The following DLG1 variants were observed in gnomAD, a reference collection of about 807,000 sequenced individuals.
The protein encoded by DLG1 is discs large MAGUK scaffold protein 1, also known as disks large homolog 1.
DLG1 carries 42 observed loss-of-function variants against 123.4 expected under a neutral mutation model. The observed-to-expected ratio is 0.34, with a 90% CI of 0.27 to 0.44. The LOEUF is 0.44. DLG1 is among the 20% of genes least tolerant of loss of function. The pLI is 1.00. For synonymous variants in DLG1, 317 were observed against 356.2 expected, an observed-to-expected ratio of 0.89 and a Z score of 1.24; for missense variants, 942 against 1,082.6, an observed-to-expected ratio of 0.87 and a Z score of 1.82.
chr3:197,290,420 G>T (rs1003828330), intron 3 of DLG1, among the ~76,000 whole-genome samples: 2 of 151,966 alleles, frequency 1.3e-5, no homozygotes, highest in Non-Finnish European at 2.9e-5. Context: ...TAAGCCACAA[G>T]GGGTAAAAAA....
chr3:197,066,569 T>C (rs1264454787), intron 20 of DLG1, 135 bp downstream of exon 20: 11 of 510,018 alleles, frequency 2.2e-5, no homozygotes, highest in Non-Finnish European at 3.6e-5. Flanking sequence ...AAAACACATG[T>C]AGTAAATTTC....
chr3:197,078,908 T>C (rs1044940299), intron 17 of DLG1, among the ~76,000 whole-genome samples: 1 of 152,216 alleles, frequency 6.6e-6, no homozygotes, highest in African/African-American at 2.4e-5. Context: ...AAGTTTAAAA[T>C]GTCTGATTCT....
intron 15 of DLG1, 37 bp from the exon 16 acceptor site, chr3:197,085,793 TATA>T: frequency 2.5e-6 from 4 of 1,577,198 alleles, no homozygotes; most frequent in Non-Finnish European, 3.5e-6. Context: ...AATCACTTGT[TATA>T]ATATTAATCA....
Position 197,142,855 on chromosome 3 carries a change from A to T in DLG1, c.538-87T>A. ...AAAATTTTTGTATGATTTATTAATGAAAACCTGTTGAATGCGACAGTAATC... is the reference window on the plus strand; with the variant it reads ...AAAATTTTTGTATGATTTATTAATGTAAACCTGTTGAATGCGACAGTAATC... On this transcript the variant is annotated intron_variant, in intron 6 of 24. Coordinates refer to ENST00000667157, the MANE Select transcript of DLG1 (RefSeq NM_001366207.1). 5.0e-6 allele frequency: 5 copies of T among 995,344 alleles called. No individual in the cohort carries two copies. The South Asian group carries it at 7.6e-5, about 15-fold the overall frequency. 61.7% of individuals were successfully genotyped at this position (995,344 alleles called of 1,614,324 possible).
chr3:197,117,444 C>A (rs894544539), intron 12 of DLG1, among the ~76,000 whole-genome samples: 2 of 152,158 alleles, frequency 1.3e-5, no homozygotes, highest in African/African-American at 2.4e-5. Flanking sequence ...AAGTGCCCAT[C>A]ATTAGATGAA....
chr3:197,294,761 ATG>A (rs1776588921), intron 3 of DLG1, among the ~76,000 whole-genome samples: 1 of 152,100 alleles, frequency 6.6e-6, no homozygotes, highest in South Asian at 2.1e-4. Flanking sequence ...TAGGTCAAAA[ATG>A]TCTCTGAACA....
chr3:197,225,309 ACATT>A (rs1309280294), intron 4 of DLG1, among the ~76,000 whole-genome samples: 1 of 152,208 alleles, frequency 6.6e-6, no homozygotes, highest in Non-Finnish European at 1.5e-5. Flanking sequence ...AAGGCAAACT[ACATT>A]CATTTTATTT....
chr3:197,127,724 T>C (rs939544335), intron 11 of DLG1, among the ~76,000 whole-genome samples: 1 of 151,492 alleles, frequency 6.6e-6, no homozygotes, highest in African/African-American at 2.4e-5. Flanking sequence ...ACCTCAGAAT[T>C]ACAGACATAC....
intron 9 of DLG1, 143 bp downstream of exon 9, chr3:197,138,079 A>C (rs1180555437): frequency 2.3e-6 from 1 of 442,360 alleles, no homozygotes; most frequent in Non-Finnish European, 3.8e-6. Context: ...AATCAGTAGA[A>C]ATAACGGAGA....
chr3:197,090,586 A>T (rs1372387827), intron 15 of DLG1, among the ~76,000 whole-genome samples: 4 of 152,070 alleles, frequency 2.6e-5, no homozygotes, highest in African/African-American at 9.7e-5. Flanking sequence ...ACAGAGGTTA[A>T]ATCTAAGTGT....
chr3:197,161,615 A>G, intron 5 of DLG1: 2 of 1,302,736 alleles, frequency 1.5e-6, no homozygotes, highest in Non-Finnish European at 1.0e-6. Context: ...AAATTTTTAT[A>G]AAGAAAAAAG....
At chr3:197,225,049 T>C (rs918053566) in intron 4 of DLG1, among the ~76,000 whole-genome samples, 16 of 152,270 alleles carry the variant, frequency 1.1e-4, no homozygotes, top group African/African-American at 3.9e-4. Flanking sequence ...CTCCGCCTCC[T>C]GGGTTCACGC....
intron 23 of DLG1, 23 bp downstream of exon 23, chr3:197,059,866 A>G: frequency 6.7e-7 from 1 of 1,500,348 alleles, no homozygotes. Context: ...CACAGAGGCT[A>G]TGCCTTAGGC....
chr3:197,156,841 A>G (rs1464965172), intron 5 of DLG1, among the ~76,000 whole-genome samples: 1 of 152,250 alleles, frequency 6.6e-6, no homozygotes, highest in African/African-American at 2.4e-5. Context: ...TGGTTCTACA[A>G]TAATAGCTGG....
intron 17 of DLG1, among the ~76,000 whole-genome samples, chr3:197,077,980 T>C (rs896903682): frequency 1.4e-4 from 22 of 152,196 alleles, no homozygotes; most frequent in African/African-American, 4.8e-4. Context: ...CAGTGTGTTT[T>C]TGGCATGCCC....
At chr3:197,250,008 A>C (rs2340433) in intron 4 of DLG1, among the ~76,000 whole-genome samples, 36,794 of 152,136 alleles carry the variant, frequency 0.24, 5,607 homozygotes, top group East Asian at 0.71. Context: ...GGACCAAGAC[A>C]AAAATGCCTA....
Position 197,140,286 on chromosome 3 carries a change from T to C in DLG1, c.589-22A>G, listed in dbSNP as rs374794104. On this transcript the variant is annotated intron_variant, in intron 7 of 24. Transcript: ENST00000667157. Reference sequence around the variant, plus strand: ...TTCCCTGAGGATAGAAGAAAAAAAATTGAGACTGAATATGATTTATCTTTA... The same window carrying C: ...TTCCCTGAGGATAGAAGAAAAAAAACTGAGACTGAATATGATTTATCTTTA... The C allele has an allele frequency of 2.5e-5, 40 of 1,608,618 alleles. No homozygotes were observed. In the African/African-American group the frequency reaches 3.2e-4, roughly 13 times the overall value.
chr3:197,090,660 C>T (rs1444857272), intron 15 of DLG1, among the ~76,000 whole-genome samples: 1 of 151,912 alleles, frequency 6.6e-6, no homozygotes, highest in Non-Finnish European at 1.5e-5. Flanking sequence ...AATTTCTGGT[C>T]CACAGAAATT....
chr3:197,054,821 A>AT (rs1208699211), intron 23 of DLG1, among the ~76,000 whole-genome samples: 2,320 of 143,002 alleles, frequency 0.016, 61 homozygotes, highest in African/African-American at 0.055. Flanking sequence ...ATTTTTGTTT[A>AT]TTTTTTTTTT....
Sources: gnomAD v4.1 joint callset for allele counts (sites outside exome capture counted in the v4.1 genomes callset) on GRCh38, gnomAD v4.1.1 for gene constraint, MANE v1.5 for transcripts, NCBI Gene and HGNC (gene_info 2026-07-23, HGNC 2026-07-21) for gene names.